Variants in TMEM132B observed in about 807,000 individuals in gnomAD.
The protein encoded by TMEM132B is transmembrane protein 132B.
TMEM132B carries 18 observed loss-of-function variants against 90.8 expected under a neutral mutation model. The observed-to-expected ratio is 0.20, with a 90% CI of 0.14 to 0.29. TMEM132B has a LOEUF of 0.29. Among genes scored for constraint, TMEM132B ranks in the 10% least tolerant of loss-of-function variants. The pLI, the probability that TMEM132B is intolerant of heterozygous loss-of-function variation, is 1.00. For missense variants in TMEM132B, 1,096 were observed against 1,326.8 expected (o/e 0.83, Z 2.70); for synonymous variants, 504 against 523.3 (o/e 0.96, Z 0.50).
At chr12:125,521,580 T>C (rs552830610) in intron 4 of TMEM132B, among the ~76,000 whole-genome samples, 1 of 152,244 alleles carries the variant, frequency 6.6e-6, no homozygotes, top group African/African-American at 2.4e-5. Context: ...CTGGGCACCC[T>C]AGTAAGAGTG....
intron 2 of TMEM132B, among the ~76,000 whole-genome samples, chr12:125,352,530 G>A (rs1371628703): frequency 6.6e-6 from 1 of 152,212 alleles, no homozygotes; most frequent in East Asian, 1.9e-4. Context: ...TTCCCCATTG[G>A]TATGATAAGG....
chr12:125,476,446 T>A (rs1345715617), intron 3 of TMEM132B, among the ~76,000 whole-genome samples: 1 of 152,232 alleles, frequency 6.6e-6, no homozygotes, highest in African/African-American at 2.4e-5. Context: ...TTTGATTTCA[T>A]CCCTGTAGCA....
chr12:125,602,213 A>T (rs139760598), intron 5 of TMEM132B, among the ~76,000 whole-genome samples: 16,237 of 152,246 alleles, frequency 0.11, 1,156 homozygotes, highest in South Asian at 0.22. Context: ...GAAAATCCTC[A>T]ATAAAATACT....
chr12:125,471,757 G>A (rs1332522152), intron 3 of TMEM132B, among the ~76,000 whole-genome samples: 2 of 152,142 alleles, frequency 1.3e-5, no homozygotes, highest in African/African-American at 4.8e-5. Context: ...CAGAGCTAAG[G>A]GCTTTGCATA....
chr12:125,638,605 T>A (rs901791392), intron 5 of TMEM132B, among the ~76,000 whole-genome samples: 1 of 140,990 alleles, frequency 7.1e-6, no homozygotes, highest in Non-Finnish European at 1.7e-5. Flanking sequence ...TCTGTAGCAT[T>A]TTTTTTTTCT....
chr12:125,247,711 G>A (rs1874236360), intron 1 of TMEM132B, among the ~76,000 whole-genome samples: 1 of 152,128 alleles, frequency 6.6e-6, no homozygotes, highest in South Asian at 2.1e-4. Context: ...GCATCCCCCT[G>A]GCCAATCAGA....
At chr12:125,325,626 TAAG>T (rs1207851164) in intron 1 of TMEM132B, among the ~76,000 whole-genome samples, 1 of 151,952 alleles carries the variant, frequency 6.6e-6, no homozygotes, top group African/African-American at 2.4e-5. Context: ...ATTTTTATGT[TAAG>T]AAGGTGTTCA....
chr12:125,516,211 A>G (rs849345), intron 3 of TMEM132B, among the ~76,000 whole-genome samples: 49,784 of 152,002 alleles, frequency 0.33, 12,191 homozygotes, highest in East Asian at 0.74. Flanking sequence ...CTCCTTCCCC[A>G]CTGCAGGAAA....
chr12:125,589,284 C>G (rs1354212872), intron 5 of TMEM132B, among the ~76,000 whole-genome samples: 1 of 151,850 alleles, frequency 6.6e-6, no homozygotes, highest in African/African-American at 2.4e-5. Context: ...AGATCGAGAC[C>G]ATCCTGGCTA....
chr12:125,328,911 G>T (rs188922299), intron 1 of TMEM132B, among the ~76,000 whole-genome samples: 1 of 152,268 alleles, frequency 6.6e-6, no homozygotes, highest in African/African-American at 2.4e-5. Flanking sequence ...TGTGAGGACA[G>T]GGCTGCTTTG....
intron 2 of TMEM132B, among the ~76,000 whole-genome samples, chr12:125,404,903 T>C (rs1879422261): frequency 6.6e-6 from 1 of 152,224 alleles, no homozygotes; most frequent in South Asian, 2.1e-4. Flanking sequence ...TGTTTATATG[T>C]AAGCCACTGT....
At chr12:125,516,063 A>G (rs768942881) in intron 3 of TMEM132B, among the ~76,000 whole-genome samples, 1 of 151,208 alleles carries the variant, frequency 6.6e-6, no homozygotes. Flanking sequence ...TCTCACATAT[A>G]CTCACACACA....
At chr12:125,228,730 T>G (rs1873741779) in intron 1 of TMEM132B, among the ~76,000 whole-genome samples, 1 of 152,172 alleles carries the variant, frequency 6.6e-6, no homozygotes. Flanking sequence ...CCCTGTTGGC[T>G]GCTAGAATAA....
chr12:125,590,183 A>C (rs901963336), intron 5 of TMEM132B, among the ~76,000 whole-genome samples: 2 of 152,080 alleles, frequency 1.3e-5, no homozygotes, highest in Non-Finnish European at 2.9e-5. Flanking sequence ...GAGCTAGTTA[A>C]ATCACTTTTC....
intron 1 of TMEM132B, among the ~76,000 whole-genome samples, chr12:125,344,927 C>T (rs930685860): frequency 5.9e-5 from 9 of 152,100 alleles, no homozygotes; most frequent in Non-Finnish European, 1.2e-4. Flanking sequence ...ATTCCGCCGC[C>T]GCCAGAGATG....
At chr12:125,480,453 A>G (rs1882008541) in intron 3 of TMEM132B, among the ~76,000 whole-genome samples, 1 of 152,256 alleles carries the variant, frequency 6.6e-6, no homozygotes, top group East Asian at 1.9e-4. Context: ...CAGAAATACA[A>G]ACTACTGTCA....
chr12:125,584,513 G>C (rs1885134073), intron 5 of TMEM132B: 1 of 153,658 alleles, frequency 6.5e-6, no homozygotes, highest in Non-Finnish European at 1.4e-5. Context: ...AGACAATAAA[G>C]TCCGTGAGCT....
intron 2 of TMEM132B, among the ~76,000 whole-genome samples, chr12:125,392,650 T>C (rs989730605): frequency 6.6e-6 from 1 of 152,150 alleles, no homozygotes; most frequent in Admixed American, 6.5e-5. Flanking sequence ...GCCAAGATCA[T>C]ACCAAGAAAA....
intron 4 of TMEM132B, among the ~76,000 whole-genome samples, chr12:125,577,099 T>G (rs1884958823): frequency 6.6e-6 from 1 of 152,028 alleles, no homozygotes; most frequent in African/African-American, 2.4e-5. Flanking sequence ...ACTTTATTAA[T>G]GAAGCCATCT....
Sources: gnomAD v4.1 joint callset for allele counts (sites outside exome capture counted in the v4.1 genomes callset) on GRCh38, gnomAD v4.1.1 for gene constraint, MANE v1.5 for transcripts, NCBI Gene and HGNC (gene_info 2026-07-23, HGNC 2026-07-21) for gene names.